Variants in PKD1L3 observed in about 807,000 individuals in gnomAD.
The protein encoded by PKD1L3 is polycystin 1 like 3, transient receptor potential channel interacting.
Under a neutral mutation model 184.1 loss-of-function variants are expected in PKD1L3, and 239 were observed. That is an observed-to-expected ratio of 1.30 (90% confidence interval 1.17 to 1.45). The LOEUF is 1.45. Among genes scored for constraint, PKD1L3 ranks in the 40% most tolerant of loss-of-function variants. PKD1L3 has a pLI of 0.00. For synonymous variants in PKD1L3, 996 were observed against 778.8 expected, an observed-to-expected ratio of 1.28 and a Z score of -4.64; for missense variants, 2,660 against 2,067.2, an observed-to-expected ratio of 1.29 and a Z score of -5.56.
intron 25 of PKD1L3, among the ~76,000 whole-genome samples, chr16:71,936,753 A>T (rs1038948365): frequency 2.0e-5 from 3 of 151,992 alleles, no homozygotes; most frequent in Non-Finnish European, 4.4e-5. Context: ...AAAGTGCTTG[A>T]ACTACAGGCA....
intron 25 of PKD1L3, among the ~76,000 whole-genome samples, chr16:71,936,462 C>A (rs2143155921): frequency 6.6e-6 from 1 of 150,890 alleles, no homozygotes; most frequent in African/African-American, 2.4e-5. Flanking sequence ...CTTGGCCTCC[C>A]AAAATGTTGG....
chr16:71,962,790 T>C (rs1035695221), intron 16 of PKD1L3, among the ~76,000 whole-genome samples: 1 of 152,326 alleles, frequency 6.6e-6, no homozygotes, highest in East Asian at 1.9e-4. Flanking sequence ...AGTTTACTAG[T>C]GTCTTTGAAA....
At chr16:71,989,115 T>A (rs1486233361) in intron 4 of PKD1L3, among the ~76,000 whole-genome samples, 1 of 152,206 alleles carries the variant, frequency 6.6e-6, no homozygotes, top group African/African-American at 2.4e-5. Context: ...TAGTGGTTGT[T>A]GCTCTGCAGA....
chr16:71,932,992 G>T (rs2038040517), intron 28 of PKD1L3, among the ~76,000 whole-genome samples: 1 of 151,378 alleles, frequency 6.6e-6, no homozygotes, highest in African/African-American at 2.4e-5. Flanking sequence ...AAGTCTCTAT[G>T]TTGCCCAGGC....
intron 10 of PKD1L3, 95 bp from the exon 11 acceptor site, chr16:71,977,562 T>TACTC: frequency 1.6e-6 from 1 of 630,238 alleles, no homozygotes; most frequent in Non-Finnish European, 2.4e-6. Context: ...TCCTAGCTCT[T>TACTC]TTTTTTTTTT....
rs189048249 is a variant in PKD1L3, at chr16:71,990,937, G to T, written c.536-608C>A. On this transcript the variant is annotated intron_variant, in intron 3 of 29. Transcript: ENST00000620267. ...GAACATCCTTAATAGAACGAAAAAG[G>T]TTATTTCCCCAAATAAAAGGTCTCA... 2.4e-4 allele frequency among the ~76,000 whole-genome samples: 37 copies of T among 152,158 alleles called. No individual in the cohort carries two copies. The East Asian group carries it at 3.9e-3, about 16-fold the overall frequency.
chr16:71,937,199 G>C, intron 25 of PKD1L3, 93 bp downstream of exon 25: 1 of 1,295,424 alleles, frequency 7.7e-7, no homozygotes, highest in South Asian at 1.4e-5. Flanking sequence ...GGGACCACAG[G>C]TGCATGCCAC....
At chr16:71,968,113 G>A (rs1299321892) in intron 13 of PKD1L3, 106 bp from the exon 14 acceptor site, 2 of 868,840 alleles carry the variant, frequency 2.3e-6, no homozygotes, top group Non-Finnish European at 3.5e-6. Context: ...GTGTCTGGCA[G>A]CCCTGCAGAA....
chr16:71,976,575 T>C (rs1477885739), intron 11 of PKD1L3, among the ~76,000 whole-genome samples: 3 of 151,902 alleles, frequency 2.0e-5, no homozygotes, highest in Non-Finnish European at 2.9e-5. Flanking sequence ...TTATTTCTTA[T>C]AACTGCATGT....
In PKD1L3 at chr16:71,977,347, C is replaced by A. The variant is rs549822005; in HGVS notation, c.1648G>T (p.Asp550Tyr). The A allele has an allele frequency of 2.4e-5, 37 of 1,548,180 alleles. No individual in the cohort carries two copies. The African/African-American group carries it at 3.7e-4, about 15-fold the overall frequency. ...SLEKSLIVSI[D>Y]PDSPLLMTLY... ...GTCATTAAAAGGGGACTGTCAGGATCTATGCTCACTATCAAGGATTTCTCC... is the reference window on the plus strand; with the variant it reads ...GTCATTAAAAGGGGACTGTCAGGATATATGCTCACTATCAAGGATTTCTCC... The change falls in exon 11 of 30, where the codon GAT becomes TAT. Residue 550 changes from aspartate (D) to tyrosine (Y), a missense_variant. Physicochemically the swap from Asp to Tyr is radical, Grantham distance 160. Coordinates refer to ENST00000620267, the MANE Select transcript of PKD1L3 (RefSeq NM_181536.2).
At chr16:71,932,831 G>A (rs543486489) in intron 28 of PKD1L3, among the ~76,000 whole-genome samples, 10 of 142,482 alleles carry the variant, frequency 7.0e-5, no homozygotes, top group Non-Finnish European at 1.4e-4. Context: ...AGGGTCTGGA[G>A]TGTAGTGGCA....
chr16:71,964,295 T>C, intron 15 of PKD1L3, among the ~76,000 whole-genome samples: 1 of 144,380 alleles, frequency 6.9e-6, no homozygotes. Flanking sequence ...CACTTAAATT[T>C]CTCTCGTCAA....
chr16:71,991,251 G>T, intron 3 of PKD1L3: 1 of 230,278 alleles, frequency 4.3e-6, no homozygotes, highest in Admixed American at 4.1e-5. Flanking sequence ...AAATGATTTT[G>T]CTTTTATTTC....
chr16:71,949,810 C>G lies in PKD1L3; in HGVS notation c.3591G>C (p.Gln1197His), dbSNP rs1305515839. 1.9e-6 allele frequency: 3 copies of G among 1,550,902 alleles called. No homozygotes were observed. The highest frequency in any genetic ancestry group is 2.0e-5 in the Admixed American group (1 of 50,964). ...TTACTGGCTGGCTGATGAAGATGTT[C>G]TGAAGCACTGATAAAATAATTGAAA... ...WMISIILSVL[Q>H]NIFISQPVKV... Residue 1197 changes from glutamine to histidine, a missense_variant, in exon 21 of 30, where the codon CAG becomes CAC. By Grantham distance (24) the Gln-to-His change is conservative. Transcript: ENST00000620267.
At chr16:71,944,476 A>G (rs573642146) in intron 22 of PKD1L3, among the ~76,000 whole-genome samples, 1 of 152,130 alleles carries the variant, frequency 6.6e-6, no homozygotes, top group African/African-American at 2.4e-5. Context: ...ACTTGAGGCC[A>G]GGAGTTGACC....
Position 71,929,603 on chromosome 16 carries a change from A to C in PKD1L3, c.5134T>G (p.Ser1712Ala), listed in dbSNP as rs1420746850. 23 of 1,551,674 alleles carry C rather than the reference A, an allele frequency of 1.5e-5. No homozygotes were observed. The highest frequency in any genetic ancestry group is 2.0e-5 in the Non-Finnish European group (23 of 1,147,014). Reference protein sequence around the residue: ...LLGISWPQKTSSEQAATTAVG... With the variant: ...LLGISWPQKTASEQAATTAVG... ...GCTGTCGTGGCTGCTTGCTCAGATG[A>C]GGTTTTTTGGGGCCAACTGATTCCT... is the stretch of plus-strand genomic sequence containing the variant. Residue 1712 changes from serine to alanine, a missense_variant, in exon 30 of 30, where the codon TCA becomes GCA. Transcript: ENST00000620267.
intron 1 of PKD1L3, among the ~76,000 whole-genome samples, chr16:71,998,974 G>T (rs958828135): frequency 3.3e-5 from 5 of 152,028 alleles, no homozygotes; most frequent in African/African-American, 9.7e-5. Context: ...GCATAACTTT[G>T]AAAACACTTT....
chr16:71,953,918 A>C (rs528797707), intron 17 of PKD1L3, among the ~76,000 whole-genome samples, 187 bp downstream of exon 17: 65 of 152,216 alleles, frequency 4.3e-4, no homozygotes, highest in Middle Eastern at 3.4e-3. Context: ...GAGTTTAGTT[A>C]AAGTATTGCA....
At chr16:71,968,244 G>T (rs1430251513) in intron 13 of PKD1L3, among the ~76,000 whole-genome samples, 1 of 152,150 alleles carries the variant, frequency 6.6e-6, no homozygotes, top group African/African-American at 2.4e-5. Context: ...AGAATCACCC[G>T]ATCAGGTCTT....
Sources: allele counts gnomAD v4.1 joint callset (sites outside exome capture counted in the v4.1 genomes callset), GRCh38; gene constraint gnomAD v4.1.1; transcripts MANE v1.5; gene names NCBI Gene and HGNC (gene_info 2026-07-23, HGNC 2026-07-21).